The following TMEM132D variants were observed in gnomAD, a reference collection of about 807,000 sequenced individuals.
The protein encoded by TMEM132D is mature OL transmembrane protein.
A neutral mutation model predicts 62.3 loss-of-function variants in TMEM132D; 21 were observed. The ratio of observed to expected loss-of-function variants is 0.34; its 90% CI spans 0.24 to 0.49. The LOEUF (loss-of-function observed/expected upper bound fraction) is 0.49. Among genes scored for constraint, TMEM132D ranks in the 20% least tolerant of loss-of-function variants. TMEM132D has a pLI of 0.99. For synonymous variants in TMEM132D, 621 were observed against 575.6 expected (o/e 1.08, Z -1.13); for missense variants, 1,346 against 1,402.8 (o/e 0.96, Z 0.65).
intron 5 of TMEM132D, among the ~76,000 whole-genome samples, chr12:129,153,876 TG>T (rs1565980316): frequency 6.6e-6 from 1 of 152,180 alleles, no homozygotes; most frequent in Admixed American, 6.5e-5. Flanking sequence ...TTCCCGGCTC[TG>T]GAAAGTTTCT....
intron 1 of TMEM132D, among the ~76,000 whole-genome samples, chr12:129,885,864 T>A (rs1291791885): frequency 2.8e-4 from 43 of 152,354 alleles, no homozygotes. Flanking sequence ...AACTCTTCAC[T>A]AATAAGAAAT....
intron 5 of TMEM132D, among the ~76,000 whole-genome samples, chr12:129,121,946 T>C (rs1187412673): frequency 6.6e-6 from 1 of 151,968 alleles, no homozygotes; most frequent in East Asian, 1.9e-4. Flanking sequence ...CTTTAGGAAG[T>C]GGGTGGATGA....
chr12:129,804,425 G>A (rs1489681642), intron 1 of TMEM132D, among the ~76,000 whole-genome samples: 1 of 137,060 alleles, frequency 7.3e-6, no homozygotes, highest in African/African-American at 2.7e-5. Context: ...TATAAACAGA[G>A]CCAAAGACAA....
chr12:129,617,283 C>T (rs757742303), intron 2 of TMEM132D, among the ~76,000 whole-genome samples: 1 of 152,190 alleles, frequency 6.6e-6, no homozygotes, highest in Admixed American at 6.5e-5. Flanking sequence ...ATCCTAAAAA[C>T]AGAAACCCTA....
At chr12:129,331,037 A>G (rs1356808350) in intron 4 of TMEM132D, among the ~76,000 whole-genome samples, 8 of 152,214 alleles carry the variant, frequency 5.3e-5, no homozygotes, top group African/African-American at 1.9e-4. Context: ...CAAGGAAAAC[A>G]TGGGTGCACA....
chr12:129,125,151 A>G (rs1330624044), intron 5 of TMEM132D, among the ~76,000 whole-genome samples: 1 of 152,208 alleles, frequency 6.6e-6, no homozygotes, highest in Non-Finnish European at 1.5e-5. Context: ...ATAATGTGAC[A>G]TGTTCCTGGA....
rs190063312 is a variant in TMEM132D, at chr12:129,136,470, A to T, written c.1444-51768T>A. 3.9e-3 allele frequency among the ~76,000 whole-genome samples: 600 copies of T among 152,334 alleles called. 5 individuals are homozygous for T. The highest frequency in any genetic ancestry group is 5.4e-3 in the South Asian group (26 of 4,824). On this transcript the variant is annotated intron_variant, in intron 5 of 8. Transcript: ENST00000422113. Reference sequence around the variant, plus strand: ...GATAGTCCAGTGCTTTCTCAGGATTAAATTGAGGTTAGGCATTTTTGGGAA... The same window carrying T: ...GATAGTCCAGTGCTTTCTCAGGATTTAATTGAGGTTAGGCATTTTTGGGAA...
chr12:129,306,698 A>G (rs2135631707), intron 4 of TMEM132D, among the ~76,000 whole-genome samples: 1 of 152,360 alleles, frequency 6.6e-6, no homozygotes, highest in African/African-American at 2.4e-5. Context: ...TGGTTAACCC[A>G]GTATTTCGCA....
intron 1 of TMEM132D, among the ~76,000 whole-genome samples, chr12:129,894,626 AT>A (rs1462743988): frequency 2.0e-5 from 3 of 152,326 alleles, no homozygotes; most frequent in African/African-American, 7.2e-5. Context: ...CACATCCATA[AT>A]GATAAAACTA....
At chr12:129,508,297 T>A (rs1224480555) in intron 3 of TMEM132D, among the ~76,000 whole-genome samples, 1 of 152,150 alleles carries the variant, frequency 6.6e-6, no homozygotes, top group Non-Finnish European at 1.5e-5. Context: ...AGAAATATCT[T>A]ATTAAAAAAG....
intron 2 of TMEM132D, among the ~76,000 whole-genome samples, chr12:129,622,715 T>C (rs987125944): frequency 6.6e-6 from 1 of 152,230 alleles, no homozygotes; most frequent in African/African-American, 2.4e-5. Context: ...GACCATCCAC[T>C]TCTTTTCCAT....
At chr12:129,558,711 T>C (rs1877129913) in intron 2 of TMEM132D, among the ~76,000 whole-genome samples, 1 of 152,198 alleles carries the variant, frequency 6.6e-6, no homozygotes, top group Non-Finnish European at 1.5e-5. Context: ...CAATGACTGA[T>C]AACTGATGTT....
chr12:129,437,532 G>A (rs1340781465), intron 3 of TMEM132D, among the ~76,000 whole-genome samples: 1 of 152,064 alleles, frequency 6.6e-6, no homozygotes, highest in East Asian at 1.9e-4. Flanking sequence ...CATAAATTTT[G>A]GAAAATACCT....
At position 129,414,622 on chromosome 12, in the gene TMEM132D, A is replaced by G. The variant is rs77331977; in HGVS notation, c.1116-76805T>C. On this transcript the variant is annotated intron_variant, in intron 3 of 8. Transcript: ENST00000422113. ...AATCAGGATAACTGACATATTCATC[A>G]CTTCACCTAGTTACCATTTTTCTTT... 5.9e-3 allele frequency among the ~76,000 whole-genome samples: 897 copies of G among 152,324 alleles called. 13 individuals carry two copies. The highest frequency in any genetic ancestry group is 0.02 in the African/African-American group (844 of 41,568).
intron 3 of TMEM132D, among the ~76,000 whole-genome samples, chr12:129,463,469 T>TTATTA (rs1566077499): frequency 9.3e-6 from 1 of 107,636 alleles, no homozygotes; most frequent in African/African-American, 3.0e-5. Flanking sequence ...TATTTATTTA[T>TTATTA]GTATTATTAT....
Position 129,113,357 on chromosome 12 carries a change from C to G in TMEM132D, c.1444-28655G>C, listed in dbSNP as rs113678150. Reference sequence around the variant, plus strand: ...GGGCAGATGGACCTAGGCTGAACCCCTGGTGTTCAACAACACTCCCATTTC... The same window carrying G: ...GGGCAGATGGACCTAGGCTGAACCCGTGGTGTTCAACAACACTCCCATTTC... On this transcript the variant is annotated intron_variant, in intron 5 of 8. Transcript: ENST00000422113. 7 of 152,304 alleles carry G rather than the reference C, an allele frequency of 4.6e-5. No homozygotes were observed. In the East Asian group the frequency reaches 1.3e-3, roughly 29 times the overall value. The allele number at this position is 152,304 out of a possible 1,614,324, so 9.4% of individuals were successfully genotyped here.
intron 4 of TMEM132D, among the ~76,000 whole-genome samples, chr12:129,281,773 G>C (rs1368954996): frequency 1.3e-5 from 2 of 152,114 alleles, no homozygotes; most frequent in South Asian, 2.1e-4. Context: ...GCCAAGACCT[G>C]CCTTTGGCCA....
intron 3 of TMEM132D, among the ~76,000 whole-genome samples, chr12:129,401,801 C>T (rs1871632136): frequency 6.6e-6 from 1 of 152,160 alleles, no homozygotes; most frequent in South Asian, 2.1e-4. Context: ...ACCTCCACCT[C>T]TGTTCTCCTG....
chr12:129,520,100 GA>G (rs1227763855), intron 3 of TMEM132D, among the ~76,000 whole-genome samples: 1 of 152,184 alleles, frequency 6.6e-6, no homozygotes, highest in Non-Finnish European at 1.5e-5. Context: ...AGGTGTGTAA[GA>G]CAGTGTTCAG....
Sources: gnomAD v4.1 joint callset for allele counts (sites outside exome capture counted in the v4.1 genomes callset) on GRCh38, gnomAD v4.1.1 for gene constraint, MANE v1.5 for transcripts, NCBI Gene and HGNC (gene_info 2026-07-23, HGNC 2026-07-21) for gene names.